The following SGCZ variants were observed in gnomAD, a reference collection of about 807,000 sequenced individuals.
SGCZ encodes the protein zeta-sarcoglycan.
In SGCZ, 40 loss-of-function variants were observed where a neutral mutation model predicts 41.3. The ratio of observed to expected loss-of-function variants is 0.97; its 90% CI spans 0.75 to 1.26. The LOEUF is 1.26. Ranked by LOEUF, SGCZ falls within the 50% of genes most tolerant of loss-of-function variation. The pLI, the probability that SGCZ is intolerant of heterozygous loss-of-function variation, is 0.00. For missense variants in SGCZ, 552 were observed against 369.8 expected (o/e 1.49, Z -4.04); for synonymous variants, 206 against 137.5 (o/e 1.50, Z -3.49).
chr8:14,425,162 C>T (rs1054472773), intron 2 of SGCZ, among the ~76,000 whole-genome samples: 3 of 152,130 alleles, frequency 2.0e-5, no homozygotes, highest in African/African-American at 4.8e-5. Flanking sequence ...AAGTGAAGCA[C>T]TCCAGGGTTT....
chr8:15,130,120 T>C (rs1221092539), intron 1 of SGCZ, among the ~76,000 whole-genome samples: 1 of 152,160 alleles, frequency 6.6e-6, no homozygotes, highest in African/African-American at 2.4e-5. Flanking sequence ...CCCTTCTCTA[T>C]CGGGAGGTTT....
At chr8:15,007,494 G>T (rs1563431400) in intron 1 of SGCZ, among the ~76,000 whole-genome samples, 1 of 152,228 alleles carries the variant, frequency 6.6e-6, no homozygotes, top group Non-Finnish European at 1.5e-5. Flanking sequence ...CGGTCTATGA[G>T]CCACAAACTG....
intron 1 of SGCZ, among the ~76,000 whole-genome samples, chr8:15,234,211 T>C (rs997190333): frequency 6.6e-6 from 1 of 152,144 alleles, no homozygotes; most frequent in African/African-American, 2.4e-5. Flanking sequence ...GGAGCTAAAA[T>C]AAAGGCTAAA....
intron 3 of SGCZ, among the ~76,000 whole-genome samples, chr8:14,262,826 A>G (rs1029983700): frequency 3.3e-5 from 5 of 151,822 alleles, no homozygotes; most frequent in African/African-American, 1.2e-4. Context: ...CAAGAAAAAA[A>G]AAAAAAACAG....
chr8:14,301,123 C>T (rs1801171931), intron 3 of SGCZ, among the ~76,000 whole-genome samples: 1 of 151,898 alleles, frequency 6.6e-6, no homozygotes, highest in Non-Finnish European at 1.5e-5. Flanking sequence ...TCATCCTTGT[C>T]ACCTATTTAT....
intron 1 of SGCZ, among the ~76,000 whole-genome samples, chr8:14,865,193 C>T (rs1053921375): frequency 3.9e-5 from 6 of 152,056 alleles, no homozygotes; most frequent in African/African-American, 9.7e-5. Flanking sequence ...CCCAGCTACA[C>T]CACCACCACT....
At chr8:14,457,995 C>A (rs922079333) in intron 2 of SGCZ, among the ~76,000 whole-genome samples, 1 of 152,072 alleles carries the variant, frequency 6.6e-6, no homozygotes, top group African/African-American at 2.4e-5. Context: ...CCCACCAACC[C>A]TGTGGAGCTG....
chr8:15,153,846 T>G (rs1799250462), intron 1 of SGCZ, among the ~76,000 whole-genome samples: 1 of 152,118 alleles, frequency 6.6e-6, no homozygotes, highest in African/African-American at 2.4e-5. Flanking sequence ...TTTATAATCC[T>G]TTATAAATCA....
At chr8:14,164,326 A>G (rs529579264) in intron 5 of SGCZ, among the ~76,000 whole-genome samples, 6 of 152,136 alleles carry the variant, frequency 3.9e-5, no homozygotes, top group African/African-American at 1.2e-4. Context: ...CCGCCCAGCC[A>G]CATCATTTTC....
chr8:14,941,690 T>G (rs983754400), intron 1 of SGCZ, among the ~76,000 whole-genome samples: 3 of 151,978 alleles, frequency 2.0e-5, no homozygotes, highest in African/African-American at 7.2e-5. Context: ...CTATTTAGTA[T>G]TTTTCTGAAT....
At chr8:14,312,652 A>G (rs148707056) in intron 3 of SGCZ, among the ~76,000 whole-genome samples, 1 of 150,814 alleles carries the variant, frequency 6.6e-6, no homozygotes, top group African/African-American at 2.5e-5. Flanking sequence ...AAGAAGAGGA[A>G]GAGGAAGAGG....
chr8:15,177,016 A>G (rs1563167199), intron 1 of SGCZ, among the ~76,000 whole-genome samples: 2 of 152,218 alleles, frequency 1.3e-5, no homozygotes, highest in Non-Finnish European at 1.5e-5. Flanking sequence ...AAAGAAAAAG[A>G]AAAAGAAAGA....
At chr8:15,235,901 T>A (rs1055521522) in intron 1 of SGCZ, among the ~76,000 whole-genome samples, 2 of 152,198 alleles carry the variant, frequency 1.3e-5, no homozygotes, top group African/African-American at 4.8e-5. Context: ...AGATAAAACC[T>A]ACCCCTTCTC....
intron 1 of SGCZ, among the ~76,000 whole-genome samples, chr8:14,959,106 G>GAC (rs2130848215): frequency 6.6e-6 from 1 of 152,098 alleles, no homozygotes; most frequent in African/African-American, 2.4e-5. Context: ...ACATACTTTA[G>GAC]ACAGATTTCA....
intron 1 of SGCZ, among the ~76,000 whole-genome samples, chr8:15,178,737 A>C (rs1305320897): frequency 6.6e-6 from 1 of 152,204 alleles, no homozygotes; most frequent in African/African-American, 2.4e-5. Context: ...TGCATTCTAT[A>C]TAATAGCCCA....
intron 2 of SGCZ, among the ~76,000 whole-genome samples, chr8:14,446,873 G>A (rs1004237854): frequency 3.9e-5 from 6 of 152,096 alleles, no homozygotes; most frequent in Non-Finnish European, 8.8e-5. Flanking sequence ...AAAAGATCAC[G>A]AGGAGATTAT....
intron 1 of SGCZ, among the ~76,000 whole-genome samples, chr8:14,974,978 C>A (rs930690470): frequency 4.6e-5 from 7 of 151,996 alleles, no homozygotes; most frequent in Admixed American, 3.9e-4. Context: ...AAGGTTATCT[C>A]TCTGCTATGT....
chr8:14,121,125 T>C (rs73665764), intron 5 of SGCZ, among the ~76,000 whole-genome samples: 1 of 152,236 alleles, frequency 6.6e-6, no homozygotes, highest in African/African-American at 2.4e-5. Context: ...GCAATAGATA[T>C]CCTTCTCACG....
intron 1 of SGCZ, among the ~76,000 whole-genome samples, chr8:14,580,632 G>C (rs1804857062): frequency 6.6e-6 from 1 of 152,148 alleles, no homozygotes; most frequent in Non-Finnish European, 1.5e-5. Flanking sequence ...AGAAATCAGA[G>C]TTATCTTTAT....
Sources: gnomAD v4.1 joint callset for allele counts (sites outside exome capture counted in the v4.1 genomes callset) on GRCh38, gnomAD v4.1.1 for gene constraint, MANE v1.5 for transcripts, NCBI Gene and HGNC (gene_info 2026-07-23, HGNC 2026-07-21) for gene names.